XPR1: variants seen among roughly 807,000 people sequenced by gnomAD.
XPR1 encodes the protein solute carrier family 53 member 1.
In XPR1, 28 loss-of-function variants were observed where a neutral mutation model predicts 87.5. The ratio of observed to expected loss-of-function variants is 0.32; its 90% CI spans 0.24 to 0.44. The LOEUF (loss-of-function observed/expected upper bound fraction) is 0.44, where lower values mean the gene tolerates loss of function less well. XPR1 is among the 20% of genes least tolerant of loss of function. The pLI is 1.00. For synonymous variants in XPR1, 300 were observed against 306.1 expected (o/e 0.98, Z 0.21); for missense variants, 559 against 862.3 (o/e 0.65, Z 4.41).
rs150748514 is a variant in XPR1 at position 180,863,311 on chromosome 1, A to G, written c.1502-397A>G. 6.7e-4 allele frequency among the ~76,000 whole-genome samples: 102 copies of G among 152,268 alleles called. No individual in the cohort carries two copies. In the East Asian group the frequency reaches 0.018, roughly 27 times the overall value. ...AAACAATCCAAGAATTTCTTGAAGCAAATGCACATTCCTTGTTAGTAGTGT... is the reference window on the plus strand; with the variant it reads ...AAACAATCCAAGAATTTCTTGAAGCGAATGCACATTCCTTGTTAGTAGTGT... On this transcript the variant is annotated intron_variant, in intron 11 of 14. Transcript: ENST00000367590.
chr1:180,710,633 C>G (rs1657730788), intron 2 of XPR1, among the ~76,000 whole-genome samples: 1 of 152,234 alleles, frequency 6.6e-6, no homozygotes, highest in Admixed American at 6.5e-5. Context: ...TCTGATTTCT[C>G]TATCTTTTCC....
At chr1:180,780,642 C>T (rs1034214653) in intron 2 of XPR1, among the ~76,000 whole-genome samples, 1 of 149,434 alleles carries the variant, frequency 6.7e-6, no homozygotes, top group Non-Finnish European at 1.5e-5. Context: ...GTGGTGGGCA[C>T]CTGTAGTCCC....
At chr1:180,656,379 ATAT>A (rs1341750190) in intron 1 of XPR1, among the ~76,000 whole-genome samples, 4 of 90,068 alleles carry the variant, frequency 4.4e-5, no homozygotes, top group Admixed American at 3.4e-4. Context: ...TTTATATATA[ATAT>A]TCATGTATTT....
chr1:180,680,639 A>G (rs908923887), intron 1 of XPR1, among the ~76,000 whole-genome samples: 1 of 152,158 alleles, frequency 6.6e-6, no homozygotes, highest in Non-Finnish European at 1.5e-5. Context: ...CTGGGATTGC[A>G]GGCGTGAGCA....
chr1:180,762,370 T>G (rs191901781), intron 2 of XPR1, among the ~76,000 whole-genome samples: 148 of 152,264 alleles, frequency 9.7e-4, no homozygotes, highest in African/African-American at 3.0e-3. Flanking sequence ...CTGTTGAAGT[T>G]CTGTGGTGAA....
chr1:180,766,278 G>C (rs968474680), intron 2 of XPR1, among the ~76,000 whole-genome samples: 1 of 152,124 alleles, frequency 6.6e-6, no homozygotes, highest in Non-Finnish European at 1.5e-5. Context: ...GTACAGATTG[G>C]TGCTGATGGG....
At chr1:180,771,754 A>G (rs1648523794) in intron 2 of XPR1, among the ~76,000 whole-genome samples, 1 of 152,200 alleles carries the variant, frequency 6.6e-6, no homozygotes, top group Admixed American at 6.5e-5. Context: ...CAAGAATACC[A>G]GAGAAGTGAT....
intron 2 of XPR1, among the ~76,000 whole-genome samples, chr1:180,770,020 G>A (rs1337086245): frequency 1.3e-5 from 2 of 152,100 alleles, no homozygotes; most frequent in Non-Finnish European, 2.9e-5. Flanking sequence ...TTTTGGTTTT[G>A]AGCTTATTAC....
intron 2 of XPR1, among the ~76,000 whole-genome samples, chr1:180,722,082 G>A (rs754359476): frequency 2.0e-5 from 3 of 151,916 alleles, no homozygotes; most frequent in African/African-American, 7.3e-5. Flanking sequence ...GGGCAAGGTG[G>A]TGAAACTTCG....
chr1:180,830,054 G>A (rs1651001216), intron 9 of XPR1, among the ~76,000 whole-genome samples: 1 of 152,110 alleles, frequency 6.6e-6, no homozygotes, highest in South Asian at 2.1e-4. Flanking sequence ...CATGATTAGA[G>A]ATGGATTTAG....
intron 2 of XPR1, among the ~76,000 whole-genome samples, chr1:180,740,425 G>T (rs1391537590): frequency 7.7e-5 from 11 of 143,736 alleles, no homozygotes; most frequent in African/African-American, 2.8e-4. Context: ...ATATGACCAT[G>T]TTTTTTTTTT....
chr1:180,669,218 A>C (rs769787476), intron 1 of XPR1, among the ~76,000 whole-genome samples: 1 of 151,920 alleles, frequency 6.6e-6, no homozygotes, highest in Non-Finnish European at 1.5e-5. Context: ...TGTTACATGT[A>C]TGTCTGCTGT....
chr1:180,702,746 T>G (rs1350288911), intron 2 of XPR1, among the ~76,000 whole-genome samples: 1 of 152,144 alleles, frequency 6.6e-6, no homozygotes, highest in Admixed American at 6.5e-5. Context: ...TCTTTAATAT[T>G]ATTTTGAATT....
At chr1:180,680,869 T>G (rs577914383) in intron 1 of XPR1, among the ~76,000 whole-genome samples, 1 of 152,310 alleles carries the variant, frequency 6.6e-6, no homozygotes, top group Admixed American at 6.5e-5. Flanking sequence ...AAAGGAACAT[T>G]ATTCAGTATA....
intron 1 of XPR1, among the ~76,000 whole-genome samples, chr1:180,659,357 TTCCG>T (rs1260382246): frequency 7.5e-6 from 1 of 132,676 alleles, no homozygotes; most frequent in African/African-American, 2.9e-5. Context: ...CCTTCCGTCC[TTCCG>T]TCCTTCCGTC....
chr1:180,651,747 G>A (rs60823702), intron 1 of XPR1, among the ~76,000 whole-genome samples: 2,557 of 152,184 alleles, frequency 0.017, 80 homozygotes, highest in African/African-American at 0.057. Context: ...GGGACCCATG[G>A]ATTAGAAATT....
chr1:180,656,509 T>TTATATATTATATATAATATTTATATA lies in XPR1; in HGVS notation c.69+24240_69+24241insATATATTATATATAATATTTATATAT, dbSNP rs1553233039. On this transcript the variant is annotated intron_variant, in intron 1 of 14. Transcript: ENST00000367590. ...TAATATTTATATATTATATATAATA[T>TTATATATTATATATAATATTTATATA]TTATATATAATATTTATATATTATA... Among the ~76,000 whole-genome samples, 2 of 4,856 alleles carry TTATATATTATATATAATATTTATATA rather than the reference T, an allele frequency of 4.1e-4. 1 individual carries two copies. Among genetic ancestry groups the TTATATATTATATATAATATTTATATA allele is most frequent in the Non-Finnish European group, 1.0e-3 (2 of 2,006 alleles). 3.2% of individuals were successfully genotyped at this position (4,856 alleles called of 152,430 possible). A position where few individuals can be genotyped will look rare whatever the true frequency, so the allele number is the denominator to read the frequency against.
At chr1:180,662,310 T>C (rs1431572920) in intron 1 of XPR1, among the ~76,000 whole-genome samples, 1 of 152,240 alleles carries the variant, frequency 6.6e-6, no homozygotes, top group Non-Finnish European at 1.5e-5. Context: ...ATTTTTATTT[T>C]GTTATTCCAG....
At chr1:180,757,226 G>A (rs932417124) in intron 2 of XPR1, among the ~76,000 whole-genome samples, 1 of 152,104 alleles carries the variant, frequency 6.6e-6, no homozygotes, top group Admixed American at 6.6e-5. Flanking sequence ...AAGTAAGAAA[G>A]TATGTTTTTC....
Sources: allele counts gnomAD v4.1 joint callset (sites outside exome capture counted in the v4.1 genomes callset), GRCh38; gene constraint gnomAD v4.1.1; transcripts MANE v1.5; gene names NCBI Gene and HGNC (gene_info 2026-07-23, HGNC 2026-07-21).